Variants in ANAPC1 observed in about 807,000 individuals in gnomAD.
ANAPC1 encodes anaphase-promoting complex subunit 1.
A neutral mutation model predicts 208.0 loss-of-function variants in ANAPC1; 36 were observed. The observed-to-expected ratio is 0.17, with a 90% CI of 0.13 to 0.23. The LOEUF is 0.23. Among genes scored for constraint, ANAPC1 ranks in the 10% least tolerant of loss-of-function variants. ANAPC1 has a pLI of 1.00. For synonymous variants in ANAPC1, 378 were observed against 695.2 expected, an observed-to-expected ratio of 0.54 and a Z score of 7.18; for missense variants, 942 against 2,011.6, an observed-to-expected ratio of 0.47 and a Z score of 10.17.
At chr2:111,872,745 T>C in intron 5 of ANAPC1, 33 bp from the exon 6 acceptor site, 1 of 1,348,910 alleles carries the variant, frequency 7.4e-7, no homozygotes, top group Non-Finnish European at 1.1e-6. Context: ...AAGATAGAAG[T>C]AAGAGAACCT....
downstream of ANAPC1, chr2:111,766,281 G>A (rs1481547263): frequency 3.3e-5 from 5 of 152,354 alleles, no homozygotes; most frequent in East Asian, 5.8e-4. Context: ...TTTTTTTTCT[G>A]CAGCTTGTGA....
At chr2:111,853,991 C>G (rs1285600423) in intron 13 of ANAPC1, among the ~76,000 whole-genome samples, 1 of 152,224 alleles carries the variant, frequency 6.6e-6, no homozygotes, top group Non-Finnish European at 1.5e-5. Context: ...GCTAGGATTA[C>G]AGGTGTGAGC....
Position 111,856,689 on chromosome 2 carries a change from C to T in ANAPC1, c.1450-10G>A, listed in dbSNP as rs7606399. On this transcript the variant is annotated splice_polypyrimidine_tract_variant and intron_variant, in intron 12 of 47. Coordinates refer to ENST00000341068, the MANE Select transcript of ANAPC1 (RefSeq NM_022662.4). ...GCATGGTGTCTATTTTCTAAAAAAACAAAAAAGACAAAAAATTTATTTCCC... is the reference window on the plus strand; with the variant it reads ...GCATGGTGTCTATTTTCTAAAAAAATAAAAAAGACAAAAAATTTATTTCCC... 3 of 1,613,156 alleles carry T rather than the reference C, an allele frequency of 1.9e-6. No homozygotes were observed. The highest frequency in any genetic ancestry group is 1.3e-5 in the African/African-American group (1 of 74,766).
intron 1 of ANAPC1, among the ~76,000 whole-genome samples, chr2:111,883,600 A>G (rs1177904792): frequency 1.3e-5 from 2 of 152,006 alleles, no homozygotes; most frequent in Non-Finnish European, 2.9e-5. Flanking sequence ...GAGCTTCCCC[A>G]GCCTTTCTAG....
At position 111,768,314 on chromosome 2, in the gene ANAPC1, A is replaced by G. The variant is rs774838582; in HGVS notation, c.*977T>C. 9 of 152,096 alleles carry G rather than the reference A, an allele frequency of 5.9e-5. No individual in the cohort carries two copies. Among genetic ancestry groups the G allele is most frequent in the Non-Finnish European group, 1.2e-4 (8 of 68,022 alleles). 9.4% of individuals were successfully genotyped at this position (152,096 alleles called of 1,614,324 possible). On this transcript the variant is annotated 3_prime_UTR_variant, in exon 48 of 48. Transcript: ENST00000341068. ...GTAAATATGGATTGTCTTGTTTTTA[A>G]ATACAATTTCTAAAGAGCCCTCTGT... is the stretch of plus-strand genomic sequence containing the variant.
At chr2:111,850,063 A>G (rs1558719452) in intron 14 of ANAPC1, among the ~76,000 whole-genome samples, 2 of 152,222 alleles carry the variant, frequency 1.3e-5, no homozygotes, top group Non-Finnish European at 2.9e-5. Context: ...TTCTAAGGAA[A>G]TAATTAATAC....
At chr2:111,865,020 G>A in intron 7 of ANAPC1, 69 bp from the exon 8 acceptor site, 1 of 1,484,688 alleles carries the variant, frequency 6.7e-7, no homozygotes, top group South Asian at 1.4e-5. Context: ...TATGAACAGA[G>A]CTCTTAAAAT....
intron 18 of ANAPC1, among the ~76,000 whole-genome samples, chr2:111,837,010 T>G (rs1361404682): frequency 6.6e-6 from 1 of 150,798 alleles, no homozygotes; most frequent in Admixed American, 6.6e-5. Flanking sequence ...GACTTGCCAG[T>G]GAATTTTGGC....
chr2:111,799,255 A>G (rs1312058893), intron 34 of ANAPC1, among the ~76,000 whole-genome samples: 1 of 151,992 alleles, frequency 6.6e-6, no homozygotes, highest in Non-Finnish European at 1.5e-5. Context: ...GTCAGATATC[A>G]TTACGTATTC....
intron 8 of ANAPC1, 108 bp downstream of exon 8, chr2:111,864,698 A>C: frequency 6.4e-7 from 1 of 1,561,802 alleles, no homozygotes; most frequent in Non-Finnish European, 8.7e-7. Flanking sequence ...CCTGACCTCA[A>C]GTGATCCGCC....
intron 21 of ANAPC1, among the ~76,000 whole-genome samples, chr2:111,829,775 T>C (rs1201922544): frequency 6.6e-6 from 1 of 152,092 alleles, no homozygotes; most frequent in African/African-American, 2.4e-5. Flanking sequence ...AAGCTGATTA[T>C]AAAATCAGTA....
At chr2:111,793,088 A>G (rs1677976754) in intron 37 of ANAPC1, among the ~76,000 whole-genome samples, 1 of 152,210 alleles carries the variant, frequency 6.6e-6, no homozygotes, top group South Asian at 2.1e-4. Flanking sequence ...ACTGGTGTTA[A>G]CGTTTTGGCT....
intron 47 of ANAPC1, among the ~76,000 whole-genome samples, chr2:111,770,900 T>C (rs1030183312): frequency 2.0e-5 from 3 of 151,864 alleles, no homozygotes; most frequent in African/African-American, 7.3e-5. Flanking sequence ...TCTGTTTCTA[T>C]TATCTGTTTT....
intron 14 of ANAPC1, among the ~76,000 whole-genome samples, chr2:111,849,863 T>C (rs1435759608): frequency 2.0e-5 from 3 of 151,542 alleles, no homozygotes; most frequent in Non-Finnish European, 2.9e-5. Context: ...TCATAACTCC[T>C]TTCTCAAAAT....
At chr2:111,869,249 A>ATT (rs1166187502) in intron 6 of ANAPC1, among the ~76,000 whole-genome samples, 2 of 142,528 alleles carry the variant, frequency 1.4e-5, no homozygotes, top group African/African-American at 2.5e-5. Context: ...GAATCTTGTT[A>ATT]TTTATTTTTT....
intron 14 of ANAPC1, among the ~76,000 whole-genome samples, chr2:111,849,185 C>T (rs1239402485): frequency 6.6e-6 from 1 of 152,220 alleles, no homozygotes; most frequent in African/African-American, 2.4e-5. Context: ...GGCTCTAAGT[C>T]TACTAGCAAA....
intron 17 of ANAPC1, among the ~76,000 whole-genome samples, chr2:111,841,884 A>G (rs1321815270): frequency 6.6e-5 from 10 of 152,340 alleles, no homozygotes; most frequent in Non-Finnish European, 1.3e-4. Context: ...AAATAAGATA[A>G]AATTTCTCAG....
At chr2:111,810,882 C>CAT (rs1206215757) in intron 28 of ANAPC1, among the ~76,000 whole-genome samples, 1 of 71,800 alleles carries the variant, frequency 1.4e-5, no homozygotes, top group East Asian at 4.3e-4. Flanking sequence ...GACTCCACAT[C>CAT]AAAAAAAAAA....
intron 44 of ANAPC1, chr2:111,779,933 G>A: frequency 3.7e-6 from 1 of 271,348 alleles, no homozygotes; most frequent in Non-Finnish European, 7.1e-6. Context: ...ATAAAAAGCA[G>A]GGTTATAATA....
Sources: allele counts gnomAD v4.1 joint callset (sites outside exome capture counted in the v4.1 genomes callset), GRCh38; gene constraint gnomAD v4.1.1; transcripts MANE v1.5; gene names NCBI Gene and HGNC (gene_info 2026-07-23, HGNC 2026-07-21).